Variants in ST8SIA2 observed in about 807,000 individuals in gnomAD.
The protein encoded by ST8SIA2 is ST8 alpha-N-acetyl-neuraminide alpha-2,8-sialyltransferase 2.
Under a neutral mutation model 37.6 loss-of-function variants are expected in ST8SIA2, and 22 were observed. The observed-to-expected ratio is 0.58, with a 90% CI of 0.42 to 0.83. The LOEUF is 0.83. Among genes scored for constraint, ST8SIA2 ranks in the 40% least tolerant of loss-of-function variants. The pLI is 0.00. For missense variants in ST8SIA2, 382 were observed against 484.7 expected (o/e 0.79, Z 1.99); for synonymous variants, 205 against 201.2 (o/e 1.02, Z -0.16).
rs140015005 is a variant in ST8SIA2, at chr15:92,449,214, A to G, written c.842+4285A>G. On this transcript the variant is annotated intron_variant, in intron 5 of 5. Transcript: ENST00000268164. Reference sequence around the variant, plus strand: ...CCATCTTTATGTCCATGAATACCCAATGTTTAGCTCCCACTTATAAGTGAG... The same window carrying G: ...CCATCTTTATGTCCATGAATACCCAGTGTTTAGCTCCCACTTATAAGTGAG... Among the ~76,000 whole-genome samples the G allele has an allele frequency of 2.5e-3, 377 of 152,112 alleles. 1 individual carries two copies. The highest frequency in any genetic ancestry group is 0.017 in the Middle Eastern group (5 of 294).
intron 2 of ST8SIA2, among the ~76,000 whole-genome samples, chr15:92,433,408 A>G (rs2049731009): frequency 6.6e-6 from 1 of 152,236 alleles, no homozygotes; most frequent in Non-Finnish European, 1.5e-5. Flanking sequence ...CTTTAAAGAT[A>G]GAATTGTAAC....
intron 1 of ST8SIA2, among the ~76,000 whole-genome samples, chr15:92,398,092 C>G (rs1460217984): frequency 6.6e-6 from 1 of 152,072 alleles, no homozygotes; most frequent in Non-Finnish European, 1.5e-5. Flanking sequence ...CAAGATCACG[C>G]CATTGCACTC....
chr15:92,401,113 G>C (rs2049466902), intron 1 of ST8SIA2, among the ~76,000 whole-genome samples: 2 of 152,158 alleles, frequency 1.3e-5, no homozygotes, highest in Non-Finnish European at 2.9e-5. Flanking sequence ...AGATGAGTTA[G>C]AGACAGTTGG....
intron 5 of ST8SIA2, among the ~76,000 whole-genome samples, chr15:92,445,313 C>T (rs2049834344): frequency 6.6e-6 from 1 of 152,192 alleles, no homozygotes; most frequent in South Asian, 2.1e-4. Flanking sequence ...ATGCACTTGA[C>T]TTCAAGTAAT....
chr15:92,450,831 C>CAA (rs2049876482), intron 5 of ST8SIA2, among the ~76,000 whole-genome samples: 1 of 152,186 alleles, frequency 6.6e-6, no homozygotes, highest in Non-Finnish European at 1.5e-5. Context: ...TCTAGCATGG[C>CAA]TATTAGTAAA....
chr15:92,417,373 G>A (rs564152783), intron 1 of ST8SIA2, among the ~76,000 whole-genome samples: 59 of 152,324 alleles, frequency 3.9e-4, no homozygotes, highest in African/African-American at 1.4e-3. Flanking sequence ...TGACTTCAAA[G>A]TCCTCCCCAA....
chr15:92,402,516 A>T (rs143169333), intron 1 of ST8SIA2, among the ~76,000 whole-genome samples: 328 of 152,332 alleles, frequency 2.2e-3, no homozygotes, highest in African/African-American at 7.5e-3. Flanking sequence ...CTTAAATGAC[A>T]TCCAGTGGGG....
intron 4 of ST8SIA2, among the ~76,000 whole-genome samples, chr15:92,443,803 T>C (rs1052270074): frequency 4.6e-5 from 7 of 152,164 alleles, no homozygotes; most frequent in African/African-American, 1.7e-4. Context: ...CCTGCTTGGC[T>C]ATAACACTAC....
chr15:92,433,939 A>T (rs2049735419), intron 2 of ST8SIA2, among the ~76,000 whole-genome samples: 1 of 114,014 alleles, frequency 8.8e-6, no homozygotes. Context: ...TTGAATAAGA[A>T]ATATTACTCT....
rs2049979683 is a variant in ST8SIA2 at position 92,464,538 on chromosome 15, C to T, written c.*153C>T. On this transcript the variant is annotated 3_prime_UTR_variant, in exon 6 of 6. Transcript: ENST00000268164. ...GTGACCAGAATATATATATCTATAC[C>T]TGCATATATATATTGACCTGAGTAT... 6.5e-6 allele frequency: 5 copies of T among 764,686 alleles called. No homozygotes were observed. Among genetic ancestry groups the T allele is most frequent in the Middle Eastern group, 3.8e-4 (1 of 2,664 alleles). The allele number at this position is 764,686 out of a possible 1,614,324, so 47.4% of individuals were successfully genotyped here.
intron 1 of ST8SIA2, among the ~76,000 whole-genome samples, chr15:92,415,561 A>AC (rs2049580539): frequency 6.6e-6 from 1 of 151,056 alleles, no homozygotes; most frequent in South Asian, 2.1e-4. Context: ...TAGCATATAC[A>AC]CCCCCCACCC....
chr15:92,445,129 C>A, intron 5 of ST8SIA2, 200 bp downstream of exon 5: 2 of 704,584 alleles, frequency 2.8e-6, no homozygotes, highest in Admixed American at 2.3e-5. Flanking sequence ...ATCTGGCATG[C>A]CAATTTTGAC....
At position 92,464,253 on chromosome 15, in the gene ST8SIA2, T is replaced by C. The variant is rs374745731; in HGVS notation, c.996T>C (p.Tyr332=). The stretch of plus-strand genomic sequence containing the variant: ...AGAACCCAGTCAAGTACCACTATTA[T>C]GACAGCCTCAAGTATGGCTACACCT... ...QNQNPVKYHY[Y]DSLKYGYTSQ... The change falls in exon 6 of 6, where the codon TAT becomes TAC. Residue 332 remains tyrosine (Y), a synonymous_variant. Transcript: ENST00000268164. 16 of 1,614,050 alleles carry C rather than the reference T, an allele frequency of 9.9e-6. No homozygotes were observed. The highest frequency in any genetic ancestry group is 1.2e-5 in the Non-Finnish European group (14 of 1,180,024).
At chr15:92,405,338 AT>A (rs1231787251) in intron 1 of ST8SIA2, among the ~76,000 whole-genome samples, 2 of 152,236 alleles carry the variant, frequency 1.3e-5, no homozygotes, top group Non-Finnish European at 2.9e-5. Context: ...GAGAAGGGGA[AT>A]TTGTTTAATG....
In ST8SIA2 at chr15:92,434,261, T is replaced by C; in HGVS notation, c.176T>C (p.Ile59Thr). 1 of 1,614,064 alleles carries C rather than the reference T, an allele frequency of 6.2e-7. No homozygotes were observed. The highest frequency in any genetic ancestry group is 8.5e-7 in the Non-Finnish European group (1 of 1,180,002). The part of the protein sequence containing the change: ...HSKSNRAEVV[I>T]NGSSSPAVVD... ...TTCCCTTCCAGAGCTGAAGTTGTAA[T>C]AAACGGCTCCTCATCACCAGCTGTT... Residue 59 changes from isoleucine to threonine, a missense_variant, in exon 3 of 6, where the codon ATA becomes ACA. Ile to Thr is a moderately conservative substitution (Grantham distance 89). Transcript: ENST00000268164.
intron 5 of ST8SIA2, among the ~76,000 whole-genome samples, chr15:92,450,144 A>G (rs1211636011): frequency 1.3e-5 from 2 of 152,258 alleles, no homozygotes; most frequent in Admixed American, 6.5e-5. Context: ...GCATCAAAGG[A>G]CAATCTATCA....
rs1369872588 is a variant in ST8SIA2 at position 92,465,295 on chromosome 15, G to T, written c.*910G>T. 3 of 152,142 alleles carry T rather than the reference G, an allele frequency of 2.0e-5. No homozygotes were observed. Among genetic ancestry groups the T allele is most frequent in the Non-Finnish European group, 4.4e-5 (3 of 68,050 alleles). The allele number at this position is 152,142 out of a possible 1,614,324, so 9.4% of individuals were successfully genotyped here. A position where few individuals can be genotyped will look rare whatever the true frequency, so the allele number is the denominator to read the frequency against. On this transcript the variant is annotated 3_prime_UTR_variant, in exon 6 of 6. Transcript: ENST00000268164. ...AGAGACCCTGGGATTTCACCCTCTG[G>T]GTTAGTCTCTGTCTCACCCTGTTAG...
chr15:92,400,777 G>A (rs771118586), intron 1 of ST8SIA2, among the ~76,000 whole-genome samples: 1 of 152,112 alleles, frequency 6.6e-6, no homozygotes, highest in African/African-American at 2.4e-5. Flanking sequence ...AAGGACAGCC[G>A]GCCCCGTCTA....
intron 5 of ST8SIA2, among the ~76,000 whole-genome samples, chr15:92,452,519 G>C (rs1487478135): frequency 2.0e-5 from 3 of 152,204 alleles, no homozygotes; most frequent in Non-Finnish European, 4.4e-5. Flanking sequence ...AGGAGGAAAG[G>C]ATGGACAATG....
Sources: gnomAD v4.1 joint callset for allele counts (sites outside exome capture counted in the v4.1 genomes callset) on GRCh38, gnomAD v4.1.1 for gene constraint, MANE v1.5 for transcripts, NCBI Gene and HGNC (gene_info 2026-07-23, HGNC 2026-07-21) for gene names.